Variants in EPB41L4A observed in about 807,000 individuals in gnomAD.
EPB41L4A encodes the protein erythrocyte membrane protein band 4.1 like 4A.
EPB41L4A carries 100 observed loss-of-function variants against 108.6 expected under a neutral mutation model. The ratio of observed to expected loss-of-function variants is 0.92; its 90% CI spans 0.78 to 1.09. The LOEUF (loss-of-function observed/expected upper bound fraction) is 1.09, where lower values mean the gene tolerates loss of function less well. Ranked by LOEUF, EPB41L4A falls within the 50% of genes least tolerant of loss-of-function variation. The pLI is 0.00. For synonymous variants in EPB41L4A, 319 were observed against 289.0 expected, an observed-to-expected ratio of 1.10 and a Z score of -1.05; for missense variants, 1,030 against 842.7, an observed-to-expected ratio of 1.22 and a Z score of -2.75.
At chr5:112,294,455 G>C (rs1753862993) in intron 2 of EPB41L4A, among the ~76,000 whole-genome samples, 1 of 152,124 alleles carries the variant, frequency 6.6e-6, no homozygotes, top group Admixed American at 6.6e-5. Flanking sequence ...CCTTCAAAAA[G>C]TATCCGATCA....
At position 112,265,028 on chromosome 5, in the gene EPB41L4A, A is replaced by G; in HGVS notation, c.434-12T>C. Reference sequence around the variant, plus strand: ...ATCTCCAAGCTCCGCTAAAAAAGAAAGATAACATAGTTTTTTCCATTTTAG... The same window carrying G: ...ATCTCCAAGCTCCGCTAAAAAAGAAGGATAACATAGTTTTTTCCATTTTAG... On this transcript the variant is annotated splice_polypyrimidine_tract_variant and intron_variant, in intron 5 of 22. Transcript: ENST00000261486. 2 of 1,548,102 alleles carry G rather than the reference A, an allele frequency of 1.3e-6. No individual in the cohort carries two copies. Among genetic ancestry groups the G allele is most frequent in the Non-Finnish European group, 1.7e-6 (2 of 1,152,902 alleles).
intron 9 of EPB41L4A, among the ~76,000 whole-genome samples, chr5:112,252,094 G>C (rs879793065): frequency 1.1e-4 from 16 of 152,062 alleles, no homozygotes; most frequent in Admixed American, 2.0e-4. Context: ...CATGGCCAAA[G>C]AAAGGACATA....
intron 17 of EPB41L4A, 30 bp downstream of exon 17, chr5:112,194,538 T>G: frequency 3.8e-6 from 5 of 1,310,970 alleles, no homozygotes; most frequent in South Asian, 1.3e-5. Context: ...GATTTCAGAG[T>G]GCCAGTTAAT....
downstream of EPB41L4A, among the ~76,000 whole-genome samples, chr5:112,159,802 AAAAG>A (rs1759783808): frequency 6.6e-6 from 1 of 152,256 alleles, no homozygotes; most frequent in Admixed American, 6.5e-5. Context: ...TAGTAGATAT[AAAAG>A]AAATATCTTA....
chr5:112,154,024 C>A (rs1269543793), intron 12 of EPB41L4A, among the ~76,000 whole-genome samples: 2 of 152,010 alleles, frequency 1.3e-5, no homozygotes, highest in African/African-American at 4.8e-5. Flanking sequence ...ACCAATATGG[C>A]CAAGTTAATT....
chr5:112,374,677 T>G (rs1759697939), intron 1 of EPB41L4A, among the ~76,000 whole-genome samples: 1 of 152,194 alleles, frequency 6.6e-6, no homozygotes, highest in African/African-American at 2.4e-5. Flanking sequence ...GAATCATACC[T>G]GGTTTGGGTT....
At chr5:112,234,852 G>GA in intron 11 of EPB41L4A, 97 bp from the exon 12 acceptor site, 1 of 1,307,506 alleles carries the variant, frequency 7.6e-7, no homozygotes. Context: ...ATGGAGAGAA[G>GA]AAAAAACACA....
At chr5:112,356,668 T>C (rs1471200853) in intron 1 of EPB41L4A, among the ~76,000 whole-genome samples, 1 of 152,204 alleles carries the variant, frequency 6.6e-6, no homozygotes, top group East Asian at 1.9e-4. Context: ...CTTAATCACC[T>C]TAACATCCTA....
chr5:112,204,662 C>A, intron 14 of EPB41L4A, 174 bp from the exon 15 acceptor site: 1 of 465,836 alleles, frequency 2.1e-6, no homozygotes, highest in Non-Finnish European at 3.9e-6. Context: ...TAAGATCTGG[C>A]AAATCAAATC....
intron 1 of EPB41L4A, among the ~76,000 whole-genome samples, chr5:112,370,034 T>A (rs1446357971): frequency 6.6e-6 from 1 of 152,122 alleles, no homozygotes; most frequent in Non-Finnish European, 1.5e-5. Context: ...CTCAGTTGGT[T>A]TTTGGTTTGA....
intron 1 of EPB41L4A, among the ~76,000 whole-genome samples, chr5:112,402,127 T>C (rs1761797466): frequency 6.6e-6 from 1 of 152,226 alleles, no homozygotes; most frequent in Non-Finnish European, 1.5e-5. Context: ...TAATTGGATC[T>C]TGGCGGCAAA....
intron 9 of EPB41L4A, among the ~76,000 whole-genome samples, chr5:112,243,403 A>C (rs67631852): frequency 0.3 from 46,216 of 151,710 alleles, 7,745 homozygotes; most frequent in Non-Finnish European, 0.38. Flanking sequence ...TTTGTATAGA[A>C]CCCAGAATTT....
intron 12 of EPB41L4A, among the ~76,000 whole-genome samples, chr5:112,219,069 T>G (rs1301023548): frequency 1.3e-5 from 2 of 152,220 alleles, no homozygotes; most frequent in African/African-American, 4.8e-5. Flanking sequence ...CATTCTTTTT[T>G]CTCTTTGTGT....
At chr5:112,286,934 T>G (rs1753322921) in intron 2 of EPB41L4A, among the ~76,000 whole-genome samples, 1 of 152,118 alleles carries the variant, frequency 6.6e-6, no homozygotes, top group Admixed American at 6.5e-5. Flanking sequence ...TTTACTGCAA[T>G]TACCTCCACG....
intron 4 of EPB41L4A, among the ~76,000 whole-genome samples, chr5:112,270,554 A>G (rs893098554): frequency 2.6e-5 from 4 of 152,240 alleles, no homozygotes; most frequent in Admixed American, 6.5e-5. Flanking sequence ...TTTAAAACCA[A>G]TGATGAAAAT....
At chr5:112,278,027 T>C (rs1752719767) in intron 3 of EPB41L4A, among the ~76,000 whole-genome samples, 1 of 151,918 alleles carries the variant, frequency 6.6e-6, no homozygotes, top group Admixed American at 6.6e-5. Flanking sequence ...TGATAAGGAG[T>C]TTCTCATTAA....
chr5:112,175,931 T>C (rs1244265974), intron 18 of EPB41L4A, among the ~76,000 whole-genome samples: 1 of 152,020 alleles, frequency 6.6e-6, no homozygotes, highest in Non-Finnish European at 1.5e-5. Flanking sequence ...ATACCCAGCT[T>C]ATATTTCCAC....
intron 1 of EPB41L4A, among the ~76,000 whole-genome samples, chr5:112,370,869 G>A (rs1759451200): frequency 6.6e-6 from 1 of 152,218 alleles, no homozygotes; most frequent in Non-Finnish European, 1.5e-5. Context: ...AACCCAGGAG[G>A]TGGAGGTTGC....
At chr5:112,366,778 T>C (rs960129654) in intron 1 of EPB41L4A, among the ~76,000 whole-genome samples, 1 of 152,160 alleles carries the variant, frequency 6.6e-6, no homozygotes, top group Non-Finnish European at 1.5e-5. Flanking sequence ...AAAGGTGCAC[T>C]GCAGGAGGAA....
Sources: allele counts gnomAD v4.1 joint callset (sites outside exome capture counted in the v4.1 genomes callset), GRCh38; gene constraint gnomAD v4.1.1; transcripts MANE v1.5; gene names NCBI Gene and HGNC (gene_info 2026-07-23, HGNC 2026-07-21).